SOS2: variants seen among roughly 807,000 people sequenced by gnomAD.
The protein encoded by SOS2 is son of sevenless homolog 2.
A neutral mutation model predicts 148.2 loss-of-function variants in SOS2; 65 were observed. The observed-to-expected ratio is 0.44, with a 90% CI of 0.36 to 0.54. The LOEUF is 0.54. SOS2 is among the 20% of genes least tolerant of loss of function. SOS2 has a pLI of 0.00. For missense variants in SOS2, 1,341 were observed against 1,590.2 expected (o/e 0.84, Z 2.67); for synonymous variants, 539 against 537.1 (o/e 1.00, Z -0.05).
At chr14:50,143,823 A>ATT (rs35436971) in intron 16 of SOS2, among the ~76,000 whole-genome samples, 2,672 of 134,526 alleles carry the variant, frequency 0.02, 76 homozygotes, top group Non-Finnish European at 0.027. Flanking sequence ...ATGCCTGGCT[A>ATT]TTTTTTTTTT....
chr14:50,189,330 G>GAAAAAAAAAAAAAA (rs1566472509), intron 4 of SOS2, among the ~76,000 whole-genome samples: 2 of 3,600 alleles, frequency 5.6e-4, no homozygotes, highest in Admixed American at 4.6e-3. Flanking sequence ...ACACATAATA[G>GAAAAAAAAAAAAAA]CAAAAAAAAA....
chr14:50,158,685 G>T, intron 10 of SOS2, 39 bp from the exon 11 acceptor site: 1 of 1,322,072 alleles, frequency 7.6e-7, no homozygotes, highest in Non-Finnish European at 1.1e-6. Context: ...CATGTTTAAT[G>T]TATTCAGTTT....
chr14:50,173,041 GC>G (rs1885418166), intron 8 of SOS2, among the ~76,000 whole-genome samples: 1 of 151,662 alleles, frequency 6.6e-6, no homozygotes, highest in African/African-American at 2.4e-5. Context: ...TTGCTATGTT[GC>G]TCAGGCTGGC....
intron 22 of SOS2, among the ~76,000 whole-genome samples, chr14:50,119,803 CTTT>C (rs59325250): frequency 4.4e-5 from 3 of 68,498 alleles, no homozygotes; most frequent in African/African-American, 6.3e-5. Flanking sequence ...CCCAACCAGC[CTTT>C]TTTTTTTTTT....
At chr14:50,188,382 T>C (rs1885995551) in intron 5 of SOS2, 115 bp downstream of exon 5, 3 of 705,416 alleles carry the variant, frequency 4.3e-6, no homozygotes, top group Non-Finnish European at 7.1e-6. Flanking sequence ...CACTCCAGCC[T>C]GGGCAACAGA....
chr14:50,139,987 G>A lies in SOS2; in HGVS notation c.2740C>T (p.Leu914=), dbSNP rs1363925093. The A allele has an allele frequency of 1.4e-5, 23 of 1,607,308 alleles. No homozygotes were observed. Among genetic ancestry groups the A allele is most frequent in the Non-Finnish European group, 1.9e-5 (22 of 1,175,024 alleles). The part of the protein sequence containing the change: ...ELSQDHFKKY[L]VKLKSINPPC... ...GGATTGATTGACTTAAGTTTTACTA[G>A]GTATTTTTTAAAGTGATCTTGACTT... Residue 914 remains leucine, a synonymous_variant, in exon 17 of 23, where the codon CTA becomes TTA. Transcript: ENST00000216373.
chr14:50,144,013 G>A (rs7147367), intron 16 of SOS2, among the ~76,000 whole-genome samples: 136,306 of 152,032 alleles, frequency 0.9, 61,271 homozygotes, highest in African/African-American at 0.95. Flanking sequence ...ATCCTGCTAC[G>A]AAACACCTTG....
At chr14:50,158,488 T>A (rs1241273718) in intron 11 of SOS2, 77 bp downstream of exon 11, 1 of 772,676 alleles carries the variant, frequency 1.3e-6, no homozygotes, top group African/African-American at 1.8e-5. Flanking sequence ...GAGTATTTAT[T>A]AGGTACTAGG....
chr14:50,209,281 G>GTT (rs1886782871), intron 1 of SOS2, among the ~76,000 whole-genome samples: 1 of 71,354 alleles, frequency 1.4e-5, no homozygotes, highest in African/African-American at 1.3e-4. Flanking sequence ...TGTCGTGTGT[G>GTT]TGTGTGTGTG....
intron 1 of SOS2, among the ~76,000 whole-genome samples, chr14:50,229,629 C>G (rs1326829176): frequency 6.6e-6 from 1 of 152,054 alleles, no homozygotes; most frequent in African/African-American, 2.4e-5. Flanking sequence ...GGCAACATAG[C>G]ATAACCCTGT....
Position 50,138,703 on chromosome 14 carries a change from A to G in SOS2, c.2867T>C (p.Phe956Ser). Residue 956 changes from phenylalanine (F) to serine (S), a missense_variant, in exon 18 of 23, where the codon TTC becomes TCC. Phe to Ser is a radical substitution (Grantham distance 155). Around this residue, in one of 4 missense-constraint regions of SOS2, gnomAD observed 408 missense variants for 506.6 expected, o/e 0.81. Coordinates refer to ENST00000216373, the MANE Select transcript of SOS2 (RefSeq NM_006939.4). ...LKKKGKDLINFSKRRKVAEIT... is the reference protein window; with the variant it reads ...LKKKGKDLINSSKRRKVAEIT... ...TTCAGCTACTTTCCTCCTCTTACTG[A>G]AATTGATTAAATCTTTCCCTTTCTT... The G allele has an allele frequency of 7.0e-7, 1 of 1,436,774 alleles. No homozygotes were observed. The highest frequency in any genetic ancestry group is 1.2e-5 in the South Asian group (1 of 83,092). The allele number at this position is 1,436,774 out of a possible 1,614,324, so 89.0% of individuals were successfully genotyped here.
chr14:50,225,689 G>A (rs1321824656), intron 1 of SOS2, among the ~76,000 whole-genome samples: 1 of 152,126 alleles, frequency 6.6e-6, no homozygotes, highest in Non-Finnish European at 1.5e-5. Context: ...AGCGGCTTTA[G>A]GAATTCCAGA....
At chr14:50,187,070 G>C (rs1241773161) in intron 5 of SOS2, among the ~76,000 whole-genome samples, 1 of 152,098 alleles carries the variant, frequency 6.6e-6, no homozygotes. Flanking sequence ...GGAGTGCAGT[G>C]GCACGATCAT....
intron 16 of SOS2, 31 bp downstream of exon 16, chr14:50,145,139 G>GA: frequency 7.6e-7 from 1 of 1,307,672 alleles, no homozygotes; most frequent in Non-Finnish European, 1.0e-6. Flanking sequence ...TCATCCCCGA[G>GA]AAAAATGAAA....
At chr14:50,133,956 T>C (rs1299628116) in intron 19 of SOS2, among the ~76,000 whole-genome samples, 167 bp downstream of exon 19, 4 of 151,734 alleles carry the variant, frequency 2.6e-5, no homozygotes, top group African/African-American at 9.7e-5. Flanking sequence ...CCAGATTTTA[T>C]CAAAAGGCTG....
chr14:50,138,408 G>A (rs1301510024), intron 18 of SOS2, among the ~76,000 whole-genome samples: 4 of 152,138 alleles, frequency 2.6e-5, no homozygotes, highest in Admixed American at 6.5e-5. Context: ...CGATCCGCCC[G>A]CCTTGGCCTC....
chr14:50,121,162 T>C (rs1883493085), intron 21 of SOS2, among the ~76,000 whole-genome samples: 1 of 152,194 alleles, frequency 6.6e-6, no homozygotes, highest in Non-Finnish European at 1.5e-5. Flanking sequence ...AGTCTCTCAC[T>C]GATAATGTAC....
intron 1 of SOS2, among the ~76,000 whole-genome samples, chr14:50,205,222 T>A (rs1182390905): frequency 2.0e-5 from 3 of 152,032 alleles, no homozygotes; most frequent in African/African-American, 4.8e-5. Flanking sequence ...GGCTAATTTT[T>A]AAAACTTTTT....
Position 50,216,757 on chromosome 14 carries a change from T to C in SOS2, c.88-12348A>G, listed in dbSNP as rs114988382. On this transcript the variant is annotated intron_variant, in intron 1 of 22. Transcript: ENST00000216373. ...ATCAAAAAATAAAAACAAAATACAA[T>C]AAACATGAATAAATAAAAATAAAAA... Among the ~76,000 whole-genome samples, 1,073 of 141,832 alleles carry C rather than the reference T, an allele frequency of 7.6e-3. 15 individuals are homozygous for C. Among genetic ancestry groups the C allele is most frequent in the African/African-American group, 0.028 (1,010 of 36,132 alleles). 93.0% of individuals were successfully genotyped at this position (141,832 alleles called of 152,430 possible). A position where few individuals can be genotyped will look rare whatever the true frequency, so the allele number is the denominator to read the frequency against.
Sources: gnomAD v4.1 joint callset for allele counts (sites outside exome capture counted in the v4.1 genomes callset) on GRCh38, gnomAD v4.1.1 for gene constraint, gnomAD v4.1.1 regional missense constraint, MANE v1.5 for transcripts, NCBI Gene and HGNC (gene_info 2026-07-23, HGNC 2026-07-21) for gene names.